Variants in JMJD1C observed in about 807,000 individuals in gnomAD.
JMJD1C encodes the protein jumonji domain-containing protein 1C.
JMJD1C carries 31 observed loss-of-function variants against 245.3 expected under a neutral mutation model. The ratio of observed to expected loss-of-function variants is 0.13; its 90% CI spans 0.09 to 0.17. The LOEUF is 0.17. Ranked by LOEUF, JMJD1C falls within the 10% of genes least tolerant of loss-of-function variation. The pLI is 1.00. For missense variants in JMJD1C, 2,691 were observed against 3,000.2 expected (o/e 0.90, Z 2.41); for synonymous variants, 1,057 against 1,017.4 (o/e 1.04, Z -0.74).
At chr10:63,262,521 A>G (rs1177602993) in intron 3 of JMJD1C, among the ~76,000 whole-genome samples, 2 of 152,182 alleles carry the variant, frequency 1.3e-5, no homozygotes, top group Non-Finnish European at 2.9e-5. Context: ...TTAGTCTAAA[A>G]TTCGTAAGAA....
At chr10:63,331,812 G>A (rs1942183411) in intron 2 of JMJD1C, among the ~76,000 whole-genome samples, 1 of 152,032 alleles carries the variant, frequency 6.6e-6, no homozygotes, top group African/African-American at 2.4e-5. Flanking sequence ...TAGAGATGGG[G>A]TTTCGCCATA....
At chr10:63,406,457 A>G (rs1430727975) in intron 1 of JMJD1C, among the ~76,000 whole-genome samples, 2 of 152,292 alleles carry the variant, frequency 1.3e-5, no homozygotes, top group African/African-American at 4.8e-5. Context: ...ATCCATCAAT[A>G]TGTGTCCATA....
chr10:63,209,772 T>C (rs956508745), intron 8 of JMJD1C, among the ~76,000 whole-genome samples: 1 of 152,158 alleles, frequency 6.6e-6, no homozygotes, highest in Non-Finnish European at 1.5e-5. Context: ...ATAAACAAGG[T>C]TGCACCATTA....
chr10:63,177,164 T>C (rs1842936852), intron 23 of JMJD1C: 1 of 153,042 alleles, frequency 6.5e-6, no homozygotes, highest in Non-Finnish European at 1.5e-5. Flanking sequence ...AAAAAGTACC[T>C]GAGCAAAGGG....
chr10:63,216,493 G>A (rs1343583367), intron 5 of JMJD1C, among the ~76,000 whole-genome samples: 1 of 152,004 alleles, frequency 6.6e-6, no homozygotes, highest in Non-Finnish European at 1.5e-5. Context: ...GGCAGATCAC[G>A]AGGTCAGGAA....
chr10:63,487,593 A>G (rs16918513), intron 1 of JMJD1C, among the ~76,000 whole-genome samples: 9,191 of 152,262 alleles, frequency 0.06, 800 homozygotes, highest in African/African-American at 0.19. Flanking sequence ...AGGCACATCA[A>G]TGGGAAGACA....
In JMJD1C at chr10:63,176,484, A is replaced by G; in HGVS notation, c.7225-11T>C. The G allele has an allele frequency of 6.2e-7, 1 of 1,603,802 alleles. No individual in the cohort carries two copies. ...TTGTTCTTTTGAAATCTGAAATATGAATTAAAATAGACACTCCAATTTAAG... is the reference window on the plus strand; with the variant it reads ...TTGTTCTTTTGAAATCTGAAATATGGATTAAAATAGACACTCCAATTTAAG... On this transcript the variant is annotated splice_polypyrimidine_tract_variant and intron_variant, in intron 23 of 25. Transcript: ENST00000399262.
chr10:63,317,526 C>T (rs1940239490), intron 2 of JMJD1C, among the ~76,000 whole-genome samples: 1 of 152,076 alleles, frequency 6.6e-6, no homozygotes, highest in Non-Finnish European at 1.5e-5. Context: ...TCTCATCCTC[C>T]TAAGCCTACT....
intron 19 of JMJD1C, 73 bp from the exon 20 acceptor site, chr10:63,185,726 C>T (rs937137342): frequency 1.2e-5 from 10 of 848,594 alleles, no homozygotes; most frequent in South Asian, 2.9e-5. Context: ...TGGAAAGAAA[C>T]GTAAATGAAT....
chr10:63,191,033 C>T lies in JMJD1C; in HGVS notation c.6152G>A (p.Arg2051Lys). The T allele has an allele frequency of 6.2e-7, 1 of 1,614,138 alleles. No individual in the cohort carries two copies. ...EQDNSESPNG[R>K]TSPLVSQNNE... Reference sequence around the variant, plus strand: ...ATTCTGGGACACAAGAGGTGATGTTCTGCCATTTGGAGATTCAGAGTTGTC... The same window carrying T: ...ATTCTGGGACACAAGAGGTGATGTTTTGCCATTTGGAGATTCAGAGTTGTC... The change falls in exon 17 of 26, where the codon AGA (arginine) becomes AAA (lysine). Residue 2051 changes from arginine to lysine, a missense_variant. By Grantham distance (26) the Arg-to-Lys change is conservative (BLOSUM62 2). Coordinates refer to ENST00000399262, the MANE Select transcript of JMJD1C (RefSeq NM_032776.3).
At chr10:63,202,384 TTC>T (rs1307667554) in intron 10 of JMJD1C, 144 of 985,322 alleles carry the variant, frequency 1.5e-4, no homozygotes, top group Non-Finnish European at 1.7e-4. Context: ...AGTTTGCTAT[TTC>T]TGTCATGCTG....
At chr10:63,331,152 T>C (rs1942096473) in intron 2 of JMJD1C, among the ~76,000 whole-genome samples, 1 of 152,082 alleles carries the variant, frequency 6.6e-6, no homozygotes, top group Admixed American at 6.6e-5. Context: ...TAAAACAAAG[T>C]TTTTTCTCTC....
chr10:63,193,239 A>G, intron 15 of JMJD1C, 88 bp from the exon 16 acceptor site: 1 of 1,466,080 alleles, frequency 6.8e-7, no homozygotes. Context: ...ACAGAAACAC[A>G]GCAAACCTAA....
intron 17 of JMJD1C, among the ~76,000 whole-genome samples, chr10:63,190,201 C>T (rs993857675): frequency 1.3e-5 from 2 of 151,186 alleles, no homozygotes; most frequent in African/African-American, 2.4e-5. Context: ...ACACCCAGCC[C>T]CCATATACTT....
intron 1 of JMJD1C, among the ~76,000 whole-genome samples, chr10:63,433,963 T>C (rs1270652544): frequency 6.7e-6 from 1 of 149,828 alleles, no homozygotes; most frequent in East Asian, 1.9e-4. Flanking sequence ...GTGACTAAAC[T>C]AGGAATCATT....
intron 2 of JMJD1C, among the ~76,000 whole-genome samples, chr10:63,300,911 C>A (rs1860004557): frequency 6.6e-6 from 1 of 150,860 alleles, no homozygotes; most frequent in Non-Finnish European, 1.5e-5. Flanking sequence ...AAAAGGAATT[C>A]ATTAAGAGAC....
chr10:63,463,517 A>G (rs1952947688), intron 1 of JMJD1C, among the ~76,000 whole-genome samples: 1 of 152,232 alleles, frequency 6.6e-6, no homozygotes, highest in Admixed American at 6.5e-5. Context: ...GTCGAACAGG[A>G]ATATTACATT....
chr10:63,246,747 C>T (rs754722223), intron 3 of JMJD1C, among the ~76,000 whole-genome samples: 5 of 152,144 alleles, frequency 3.3e-5, no homozygotes, highest in Non-Finnish European at 7.3e-5. Flanking sequence ...GGCAAACTGT[C>T]TTTTCTGACC....
intron 5 of JMJD1C, among the ~76,000 whole-genome samples, 157 bp downstream of exon 5, chr10:63,217,050 T>A (rs1159412527): frequency 6.6e-6 from 1 of 152,204 alleles, no homozygotes; most frequent in African/African-American, 2.4e-5. Context: ...TGAAATGACC[T>A]CTATGTAATA....
Sources: allele counts gnomAD v4.1 joint callset (sites outside exome capture counted in the v4.1 genomes callset), GRCh38; gene constraint gnomAD v4.1.1; transcripts MANE v1.5; gene names NCBI Gene and HGNC (gene_info 2026-07-23, HGNC 2026-07-21).